The following DOCK8 variants were observed in gnomAD, a reference collection of about 807,000 sequenced individuals.
DOCK8 encodes the protein dedicator of cytokinesis 8, also known as dedicator of cytokinesis protein 8.
Under a neutral mutation model 245.6 loss-of-function variants are expected in DOCK8, and 141 were observed. The ratio of observed to expected loss-of-function variants is 0.57; its 90% CI spans 0.50 to 0.66. DOCK8 has a LOEUF of 0.66. DOCK8 is among the 30% of genes least tolerant of loss of function. The pLI is 0.00. For synonymous variants in DOCK8, 1,168 were observed against 970.2 expected (o/e 1.20, Z -3.79); for missense variants, 2,965 against 2,603.4 (o/e 1.14, Z -3.02).
chr9:277,455 A>G (rs1429942410), intron 2 of DOCK8, among the ~76,000 whole-genome samples: 2 of 70,424 alleles, frequency 2.8e-5, no homozygotes, highest in East Asian at 4.6e-4. Context: ...GGAGAAGAGA[A>G]AGAGAGAAGA....
At chr9:275,739 C>T (rs951136667) in intron 2 of DOCK8, among the ~76,000 whole-genome samples, 4 of 152,070 alleles carry the variant, frequency 2.6e-5, no homozygotes, top group Non-Finnish European at 5.9e-5. Flanking sequence ...CAGGCGTGCA[C>T]CACCACAACT....
rs2056770908 is a variant in DOCK8 at position 432,934 on chromosome 9, T to A, written c.4785+610T>A. Among the ~76,000 whole-genome samples the A allele has an allele frequency of 2.6e-5, 4 of 152,220 alleles. No individual in the cohort carries two copies. In the South Asian group the frequency reaches 8.3e-4, roughly 31 times the overall value. ...ACGATGACCGTGGAACTCTAGCCTG[T>A]CCCATTTGTCTTTTAACTCCAGCTC... On this transcript the variant is annotated intron_variant, in intron 37 of 47. Transcript: ENST00000432829.
At chr9:315,377 AT>A (rs2050299476) in intron 6 of DOCK8, among the ~76,000 whole-genome samples, 5 of 152,214 alleles carry the variant, frequency 3.3e-5, no homozygotes, top group African/African-American at 1.2e-4. Flanking sequence ...GGAAATTCAT[AT>A]AGCTTAGAAG....
At chr9:459,164 A>ATAT (rs2057730661) in intron 46 of DOCK8, among the ~76,000 whole-genome samples, 1 of 152,220 alleles carries the variant, frequency 6.6e-6, no homozygotes, top group East Asian at 1.9e-4. Flanking sequence ...GTTACAGATA[A>ATAT]GACCATTTTT....
intron 46 of DOCK8, among the ~76,000 whole-genome samples, chr9:461,232 CTGT>C (rs1422112232): frequency 2.0e-5 from 3 of 152,150 alleles, no homozygotes; most frequent in Admixed American, 6.5e-5. Flanking sequence ...GGATATAGCT[CTGT>C]TGTTGTTCAT....
chr9:226,493 G>A (rs1277235700), intron 1 of DOCK8, among the ~76,000 whole-genome samples: 1 of 152,162 alleles, frequency 6.6e-6, no homozygotes, highest in Admixed American at 6.5e-5. Flanking sequence ...GGGAGGCAGT[G>A]GAGAATCCAG....
At chr9:337,418 A>G (rs571984491) in intron 12 of DOCK8, among the ~76,000 whole-genome samples, 1 of 152,188 alleles carries the variant, frequency 6.6e-6, no homozygotes, top group Non-Finnish European at 1.5e-5. Flanking sequence ...GTTCCTTGTG[A>G]TACCAACTAT....
intron 1 of DOCK8, among the ~76,000 whole-genome samples, chr9:270,628 A>C (rs993063033): frequency 2.0e-5 from 3 of 152,256 alleles, no homozygotes; most frequent in Admixed American, 6.5e-5. Flanking sequence ...CAGAGAAAAC[A>C]TAATACGCTT....
At chr9:391,296 T>G (rs892231733) in intron 24 of DOCK8, among the ~76,000 whole-genome samples, 5 of 152,188 alleles carry the variant, frequency 3.3e-5, no homozygotes, top group African/African-American at 4.8e-5. Context: ...AGCACCCTAT[T>G]TATTTCTTTC....
In DOCK8 at chr9:214,964, C is replaced by G. The variant is rs1009774570; in HGVS notation, c.-13C>G. 6.2e-7 allele frequency: 1 copy of G among 1,602,436 alleles called. No individual in the cohort carries two copies. Among genetic ancestry groups the G allele is most frequent in the Non-Finnish European group, 8.5e-7 (1 of 1,176,700 alleles). ...CCCCGCGACCCTAGAAGCCACCGAA[C>G]CGCCGGCGGGCCATGGCCACTCTGC... On this transcript the variant is annotated 5_prime_UTR_variant, in exon 1 of 48. Coordinates refer to ENST00000432829, the MANE Select transcript of DOCK8 (RefSeq NM_203447.4).
chr9:271,540 T>C (rs1688472027), intron 1 of DOCK8, 87 bp from the exon 2 acceptor site: 2 of 1,090,296 alleles, frequency 1.8e-6, no homozygotes, highest in Non-Finnish European at 2.7e-6. Flanking sequence ...GCCTACGTTT[T>C]ATAACATGAT....
rs2131198745 is a variant in DOCK8, at chr9:369,776, G to A, written c.1798-454G>A. 1.4e-5 allele frequency: 3 copies of A among 216,234 alleles called. No individual in the cohort carries two copies. In the South Asian group the frequency reaches 2.1e-4, roughly 15 times the overall value. 13.4% of individuals were successfully genotyped at this position (216,234 alleles called of 1,614,324 possible). ...CTTCATAGCCAGTTCCTTTGCACTG[G>A]TGTGCTTGGGCCAGTTGTAGTCCCA... On this transcript the variant is annotated intron_variant, in intron 15 of 47. Transcript: ENST00000432829.
At chr9:450,802 C>T (rs1344179468) in intron 45 of DOCK8, among the ~76,000 whole-genome samples, 1 of 151,584 alleles carries the variant, frequency 6.6e-6, no homozygotes, top group African/African-American at 2.4e-5. Flanking sequence ...AAGCCCACAA[C>T]CATGGTCTAT....
chr9:427,238 A>G (rs2056536365), intron 34 of DOCK8, among the ~76,000 whole-genome samples: 1 of 152,174 alleles, frequency 6.6e-6, no homozygotes, highest in African/African-American at 2.4e-5. Flanking sequence ...CCTCTTGGTT[A>G]AATCTGTGTG....
chr9:438,822 C>G (rs778169390), intron 39 of DOCK8, among the ~76,000 whole-genome samples: 5 of 152,166 alleles, frequency 3.3e-5, no homozygotes, highest in Non-Finnish European at 7.3e-5. Context: ...TGAGTCAACT[C>G]CAGAGTAGCA....
At chr9:450,547 C>A (rs962993544) in intron 45 of DOCK8, among the ~76,000 whole-genome samples, 2 of 152,146 alleles carry the variant, frequency 1.3e-5, no homozygotes, top group Non-Finnish European at 2.9e-5. Flanking sequence ...GTCCAGTGGG[C>A]CTCCTTAATT....
intron 1 of DOCK8, chr9:215,626 C>A (rs908887041): frequency 4.3e-5 from 22 of 509,690 alleles, no homozygotes; most frequent in Non-Finnish European, 7.1e-5. Flanking sequence ...AAAAAATCTA[C>A]ACTTAAATAA....
chr9:355,135 G>T (rs1308220823), intron 14 of DOCK8, among the ~76,000 whole-genome samples: 2 of 151,854 alleles, frequency 1.3e-5, no homozygotes, highest in African/African-American at 4.8e-5. Context: ...TGGATGCTGA[G>T]GACAACGTGC....
chr9:281,486 T>A (rs2048582527), intron 2 of DOCK8, among the ~76,000 whole-genome samples: 1 of 152,068 alleles, frequency 6.6e-6, no homozygotes, highest in African/African-American at 2.4e-5. Flanking sequence ...GGGACCCAAG[T>A]CTTGCCTTGA....
Sources: gnomAD v4.1 joint callset for allele counts (sites outside exome capture counted in the v4.1 genomes callset) on GRCh38, gnomAD v4.1.1 for gene constraint, MANE v1.5 for transcripts, NCBI Gene and HGNC (gene_info 2026-07-23, HGNC 2026-07-21) for gene names.